The following GON4L variants were observed in gnomAD, a reference collection of about 807,000 sequenced individuals.
GON4L encodes the protein gon-4 like.
In GON4L, 87 loss-of-function variants were observed where a neutral mutation model predicts 211.8. The observed-to-expected ratio is 0.41, with a 90% CI of 0.35 to 0.49. The LOEUF (loss-of-function observed/expected upper bound fraction) is 0.49. Among genes scored for constraint, GON4L ranks in the 20% least tolerant of loss-of-function variants. The pLI, the probability that GON4L is intolerant of heterozygous loss-of-function variation, is 0.15. For synonymous variants in GON4L, 875 were observed against 962.6 expected (o/e 0.91, Z 1.68); for missense variants, 2,155 against 2,659.5 (o/e 0.81, Z 4.17).
Position 155,750,628 on chromosome 1 carries a change from A to C in GON4L, c.6682T>G (p.Ser2228Ala), listed in dbSNP as rs778516364. 2.2e-5 allele frequency: 35 copies of C among 1,585,878 alleles called. No homozygotes were observed. Among genetic ancestry groups the C allele is most frequent in the Non-Finnish European group, 3.0e-5 (35 of 1,157,898 alleles). ...ATSTSNADQLSDHGDLLSEEE... is the reference protein window; with the variant it reads ...ATSTSNADQLADHGDLLSEEE... ...TCAGACAGAAGGTCCCCATGGTCAG[A>C]CAGCTGGTCTGCATTGCTGGTACTG... is the stretch of plus-strand genomic sequence containing the variant. Residue 2228 changes from serine (S) to alanine (A), a missense_variant, in exon 32 of 32, where the codon TCT (serine) becomes GCT (alanine). Ser to Ala is a moderately conservative substitution (Grantham distance 99). This residue lies in a region of GON4L where 186 missense variants were observed against 308.1 expected (regional missense o/e 0.60). Transcript: ENST00000368331.
intron 11 of GON4L, among the ~76,000 whole-genome samples, chr1:155,804,550 A>G (rs867591945): frequency 2.0e-5 from 3 of 152,254 alleles, no homozygotes; most frequent in Non-Finnish European, 2.9e-5. Flanking sequence ...TCAGGAGGCC[A>G]AGGTAGGAGG....
intron 12 of GON4L, among the ~76,000 whole-genome samples, chr1:155,785,630 C>T (rs1331167540): frequency 6.6e-6 from 1 of 152,114 alleles, no homozygotes; most frequent in African/African-American, 2.4e-5. Flanking sequence ...GCTGGGACCA[C>T]AGACGCATGC....
chr1:155,842,324 A>G (rs1020622535), intron 2 of GON4L, among the ~76,000 whole-genome samples: 7 of 151,766 alleles, frequency 4.6e-5, no homozygotes, highest in African/African-American at 1.7e-4. Context: ...GGAGATGGAG[A>G]CCTTACTGGC....
chr1:155,858,481 G>A (rs1446691477), upstream of GON4L, among the ~76,000 whole-genome samples: 2 of 152,102 alleles, frequency 1.3e-5, no homozygotes, highest in Admixed American at 6.5e-5. Context: ...CAAATACCAA[G>A]GAAGACTCCA....
chr1:155,824,434 C>CAAAAAAAAA (rs769823401), intron 3 of GON4L, among the ~76,000 whole-genome samples: 5 of 7,440 alleles, frequency 6.7e-4, no homozygotes, highest in Non-Finnish European at 7.8e-4. Context: ...AACTCCACAT[C>CAAAAAAAAA]AAAAAAAAAA....
intron 2 of GON4L, among the ~76,000 whole-genome samples, chr1:155,835,726 C>A (rs988202569): frequency 3.9e-5 from 6 of 152,328 alleles, no homozygotes; most frequent in East Asian, 1.9e-4. Context: ...TCTGCTGCTG[C>A]GGCTGCTTCT....
intron 6 of GON4L, among the ~76,000 whole-genome samples, chr1:155,817,805 G>A (rs1668380347): frequency 6.6e-6 from 1 of 151,844 alleles, no homozygotes; most frequent in Non-Finnish European, 1.5e-5. Flanking sequence ...ATGCCTATAG[G>A]CCTAGCTGTC....
intron 14 of GON4L, among the ~76,000 whole-genome samples, chr1:155,778,598 G>A (rs1664073354): frequency 6.6e-6 from 1 of 152,160 alleles, no homozygotes; most frequent in African/African-American, 2.4e-5. Context: ...AGGACATGGA[G>A]GTTTGTTACA....
chr1:155,755,970 C>T (rs900947122), intron 27 of GON4L, among the ~76,000 whole-genome samples: 2 of 140,018 alleles, frequency 1.4e-5, no homozygotes, highest in Non-Finnish European at 3.1e-5. Flanking sequence ...GGTCAGGAAA[C>T]ACGAATTAAA....
intron 14 of GON4L, among the ~76,000 whole-genome samples, chr1:155,782,823 C>T (rs935471887): frequency 6.6e-6 from 1 of 152,040 alleles, no homozygotes; most frequent in African/African-American, 2.4e-5. Context: ...CCATGCCTGG[C>T]TAATTTTTGT....
At chr1:155,834,883 G>A (rs539223337) in intron 2 of GON4L, among the ~76,000 whole-genome samples, 14 of 145,916 alleles carry the variant, frequency 9.6e-5, no homozygotes, top group South Asian at 8.4e-4. Context: ...CCAGCCAGCC[G>A]CCCCGTCCGG....
chr1:155,847,806 G>A (rs767438528), intron 2 of GON4L, among the ~76,000 whole-genome samples: 6 of 152,166 alleles, frequency 3.9e-5, no homozygotes, highest in East Asian at 3.9e-4. Context: ...CCCAGGAGGC[G>A]GGGGTTGCGG....
At chr1:155,849,815 T>G (rs1166599727) in intron 2 of GON4L, among the ~76,000 whole-genome samples, 7 of 148,412 alleles carry the variant, frequency 4.7e-5, no homozygotes, top group African/African-American at 1.7e-4. Flanking sequence ...CTTGATTCTG[T>G]CCTATGCTTT....
intron 24 of GON4L, among the ~76,000 whole-genome samples, 164 bp downstream of exon 24, chr1:155,760,280 A>T (rs929105265): frequency 3.3e-5 from 5 of 152,152 alleles, no homozygotes; most frequent in Admixed American, 6.6e-5. Flanking sequence ...GGGATTGGAA[A>T]GATAATACCC....
intron 2 of GON4L, among the ~76,000 whole-genome samples, chr1:155,837,664 C>T (rs1670435257): frequency 6.6e-6 from 1 of 152,070 alleles, no homozygotes; most frequent in South Asian, 2.1e-4. Context: ...AAAGGTACCC[C>T]TCATCCCCCT....
intron 5 of GON4L, among the ~76,000 whole-genome samples, chr1:155,821,220 C>T (rs1044693474): frequency 6.6e-6 from 1 of 151,688 alleles, no homozygotes; most frequent in Non-Finnish European, 1.5e-5. Context: ...GAGCCAAGAT[C>T]GCGCCACTGC....
intron 19 of GON4L, among the ~76,000 whole-genome samples, chr1:155,767,813 G>T (rs1414080297): frequency 6.6e-6 from 1 of 152,172 alleles, no homozygotes; most frequent in Non-Finnish European, 1.5e-5. Context: ...TTGCCAGGAA[G>T]GGGAGAGTTT....
At position 155,838,952 on chromosome 1, in the gene GON4L, T is replaced by C. The variant is rs143187968; in HGVS notation, c.506-11924A>G. On this transcript the variant is annotated intron_variant, in intron 2 of 31. Transcript: ENST00000368331. ...TATTATATAGGGAAACATTTTACAATAAAATAAAAAATTTTAAAAACTGTG... is the reference window on the plus strand; with the variant it reads ...TATTATATAGGGAAACATTTTACAACAAAATAAAAAATTTTAAAAACTGTG... 2.8e-4 allele frequency among the ~76,000 whole-genome samples: 42 copies of C among 152,006 alleles called. No individual in the cohort carries two copies. In the East Asian group the frequency reaches 7.5e-3, roughly 27 times the overall value.
chr1:155,850,355 T>C (rs931807322), intron 2 of GON4L, among the ~76,000 whole-genome samples: 13 of 152,234 alleles, frequency 8.5e-5, no homozygotes, highest in African/African-American at 2.9e-4. Flanking sequence ...CCGCTATTCC[T>C]GTCTACATTT....
Sources: allele counts gnomAD v4.1 joint callset (sites outside exome capture counted in the v4.1 genomes callset), GRCh38; gene constraint gnomAD v4.1.1; regional missense constraint gnomAD v4.1.1; transcripts MANE v1.5; gene names NCBI Gene and HGNC (gene_info 2026-07-23, HGNC 2026-07-21).